Variants in FBXO15 observed in about 807,000 individuals in gnomAD.
FBXO15 encodes the protein F-box protein 15.
FBXO15 carries 30 observed loss-of-function variants against 49.5 expected under a neutral mutation model. The ratio of observed to expected loss-of-function variants is 0.61; its 90% CI spans 0.45 to 0.82. The LOEUF (loss-of-function observed/expected upper bound fraction) is 0.82, where lower values mean the gene tolerates loss of function less well. FBXO15 is among the 40% of genes least tolerant of loss of function. FBXO15 has a pLI of 0.00. For synonymous variants in FBXO15, 250 were observed against 232.7 expected (o/e 1.07, Z -0.68); for missense variants, 591 against 631.5 (o/e 0.94, Z 0.69).
At position 74,074,780 on chromosome 18, in the gene FBXO15, A is replaced by C. The variant is rs1193118528; in HGVS notation, c.1264-1050T>G. On this transcript the variant is annotated intron_variant, in intron 9 of 9. Transcript: ENST00000419743. The surrounding 1 kb of genome is among the most constrained non-coding windows in gnomAD (Gnocchi z 4.7). ...ATGAACGCTGCTTTCATTGCACATG[A>C]ATGTGTGGTCTGTATATGCCCATAC... Among the ~76,000 whole-genome samples, 1 of 152,206 alleles carries C rather than the reference A, an allele frequency of 6.6e-6. No homozygotes were observed. Among genetic ancestry groups the C allele is most frequent in the Non-Finnish European group, 1.5e-5 (1 of 68,038 alleles).
chr18:74,124,541 T>C lies in FBXO15; in HGVS notation c.943A>G (p.Asn315Asp). Residue 315 changes from asparagine (N) to aspartate (D), a missense_variant, in exon 7 of 10, where the codon AAT becomes GAT. Asn to Asp is a conservative substitution (Grantham distance 23). Transcript: ENST00000419743. ...KEEELAFVMA[N>D]LHFHHLVERS... ...TCCACAAGGTGATGAAAATGAAGAT[T>C]TGCCATAACAAAAGCCAGTTCTTCC... 1.2e-6 allele frequency: 2 copies of C among 1,614,066 alleles called. No homozygotes were observed. Among genetic ancestry groups the C allele is most frequent in the South Asian group, 2.2e-5 (2 of 91,080 alleles).
chr18:74,145,819 C>A (rs1035384973), intron 1 of FBXO15, among the ~76,000 whole-genome samples: 2 of 152,032 alleles, frequency 1.3e-5, no homozygotes, highest in Non-Finnish European at 2.9e-5. Context: ...AGGATGGTCT[C>A]GATCTCCTCA....
intron 8 of FBXO15, among the ~76,000 whole-genome samples, chr18:74,115,512 C>T (rs559220449): frequency 2.6e-5 from 4 of 152,278 alleles, no homozygotes; most frequent in Non-Finnish European, 4.4e-5. Context: ...AGGTGGATGA[C>T]ATCAAATTGC....
chr18:74,113,929 T>G (rs1326279156), intron 8 of FBXO15, among the ~76,000 whole-genome samples: 3 of 152,348 alleles, frequency 2.0e-5, no homozygotes, highest in Non-Finnish European at 2.9e-5. Flanking sequence ...AAAGTGCTCA[T>G]GGACAGCTAT....
intron 8 of FBXO15, chr18:74,099,425 G>A (rs1278860229): frequency 6.6e-6 from 1 of 152,022 alleles, no homozygotes; most frequent in Non-Finnish European, 1.5e-5. Context: ...GCCAAAAGGA[G>A]GGCTAAATCT....
chr18:74,078,216 T>A (rs1912333772), intron 9 of FBXO15, among the ~76,000 whole-genome samples: 1 of 151,926 alleles, frequency 6.6e-6, no homozygotes, highest in Non-Finnish European at 1.5e-5. Flanking sequence ...AGTCCAGCAT[T>A]CTCCAATTCC....
At chr18:74,117,178 T>C (rs1051337162) in intron 8 of FBXO15, among the ~76,000 whole-genome samples, 1 of 152,212 alleles carries the variant, frequency 6.6e-6, no homozygotes, top group African/African-American at 2.4e-5. Context: ...CACCCTCTGC[T>C]GACTCCTAGT....
chr18:74,089,580 T>G (rs1011857006), intron 8 of FBXO15, among the ~76,000 whole-genome samples: 2 of 152,240 alleles, frequency 1.3e-5, no homozygotes, highest in Non-Finnish European at 2.9e-5. Context: ...GTTATTATTT[T>G]GAAGTATGTT....
In FBXO15 at chr18:74,073,380, CTTTAT is replaced by C. The variant is rs1475887826; in HGVS notation, c.*76_*80del. The C allele has an allele frequency of 1.4e-5, 21 of 1,464,448 alleles. No homozygotes were observed. Among genetic ancestry groups the C allele is most frequent in the African/African-American group, 9.8e-5 (7 of 71,072 alleles). 90.7% of individuals were successfully genotyped at this position (1,464,448 alleles called of 1,614,324 possible). A position where few individuals can be genotyped will look rare whatever the true frequency, so the allele number is the denominator to read the frequency against. Reference sequence around the variant, plus strand: ...CATTGCACAGCACTCTGCAGATTTGCTTTATTTTAATTTTCAACACCAAGAACAAA... The same window carrying C: ...CATTGCACAGCACTCTGCAGATTTGCTTTAATTTTCAACACCAAGAACAAA... On this transcript the variant is annotated 3_prime_UTR_variant, in exon 10 of 10. Transcript: ENST00000419743.
intron 8 of FBXO15, among the ~76,000 whole-genome samples, chr18:74,118,732 T>C (rs1220447868): frequency 6.6e-6 from 1 of 152,194 alleles, no homozygotes; most frequent in Non-Finnish European, 1.5e-5. Context: ...CACAAGTTCC[T>C]GATGTTTGCC....
At chr18:74,084,545 G>A (rs1912653629) in intron 8 of FBXO15, among the ~76,000 whole-genome samples, 1 of 152,242 alleles carries the variant, frequency 6.6e-6, no homozygotes, top group Non-Finnish European at 1.5e-5. Flanking sequence ...AACACAGAGT[G>A]TGGCTCTCCT....
chr18:74,137,438 C>A (rs1335437702), intron 2 of FBXO15, among the ~76,000 whole-genome samples: 1 of 152,138 alleles, frequency 6.6e-6, no homozygotes, highest in East Asian at 1.9e-4. Context: ...AGAAAAGTAT[C>A]CAGCAACTAC....
At chr18:74,082,139 C>T in intron 8 of FBXO15, 88 bp from the exon 9 acceptor site, 5 of 1,422,842 alleles carry the variant, frequency 3.5e-6, no homozygotes, top group Non-Finnish European at 3.8e-6. Flanking sequence ...TATAAGGATA[C>T]CTCACCCTGG....
chr18:74,079,631 T>C (rs1912403645), intron 9 of FBXO15, among the ~76,000 whole-genome samples: 1 of 152,228 alleles, frequency 6.6e-6, no homozygotes, highest in Non-Finnish European at 1.5e-5. Context: ...AAAACTGACC[T>C]ACTTAGAATG....
intron 3 of FBXO15, among the ~76,000 whole-genome samples, chr18:74,131,030 T>C (rs949258794): frequency 1.3e-5 from 2 of 152,332 alleles, no homozygotes; most frequent in African/African-American, 4.8e-5. Context: ...TTTAAATACA[T>C]ACATGCTTTT....
intron 8 of FBXO15, among the ~76,000 whole-genome samples, chr18:74,119,107 C>T (rs547630081): frequency 1.3e-5 from 2 of 152,174 alleles, no homozygotes; most frequent in South Asian, 2.1e-4. Context: ...CTCAGGCCCT[C>T]GCTGTCGCCT....
At chr18:74,081,241 G>A (rs1257143619) in intron 9 of FBXO15, among the ~76,000 whole-genome samples, 6 of 152,174 alleles carry the variant, frequency 3.9e-5, no homozygotes, top group African/African-American at 1.4e-4. Flanking sequence ...CATGTTACAG[G>A]AGGCCCCCGC....
intron 5 of FBXO15, among the ~76,000 whole-genome samples, chr18:74,128,334 C>CAA (rs200806589): frequency 6.1e-4 from 79 of 129,950 alleles, no homozygotes; most frequent in African/African-American, 1.4e-3. Context: ...TACAGAGCTG[C>CAA]AAAAAAAAAA....
In FBXO15 at chr18:74,082,066, G is replaced by C. The variant is rs1404674515; in HGVS notation, c.1139-15C>G. ...TTCAATATTTCCTGAAAAGATATAA[G>C]ATTGTTTCAATCACTGTCTTCCAGT... On this transcript the variant is annotated splice_polypyrimidine_tract_variant and intron_variant, in intron 8 of 9. Transcript: ENST00000419743. 4 of 1,607,856 alleles carry C rather than the reference G, an allele frequency of 2.5e-6. No individual in the cohort carries two copies. In the Admixed American group the frequency reaches 6.8e-5, roughly 27 times the overall value.
Sources: gnomAD v4.1 joint callset for allele counts (sites outside exome capture counted in the v4.1 genomes callset) on GRCh38, gnomAD v4.1.1 for gene constraint, Gnocchi (gnomAD v3.1) non-coding constraint, MANE v1.5 for transcripts, NCBI Gene and HGNC (gene_info 2026-07-23, HGNC 2026-07-21) for gene names.